Variants in HNRNPC observed in about 807,000 individuals in gnomAD.
The protein encoded by HNRNPC is heterogeneous nuclear ribonucleoproteins C1/C2.
HNRNPC carries 3 observed loss-of-function variants against 33.2 expected under a neutral mutation model. That is an observed-to-expected ratio of 0.09 (90% CI 0.04 to 0.23). HNRNPC has a LOEUF of 0.23. HNRNPC is among the 10% of genes least tolerant of loss of function. The probability of loss-of-function intolerance (pLI) is 1.00; values close to 1 mark genes in which losing one functional copy is unlikely to be tolerated. For missense variants in HNRNPC, 143 were observed against 366.7 expected (o/e 0.39, Z 4.98); for synonymous variants, 121 against 126.7 (o/e 0.96, Z 0.30).
chr14:21,265,740 T>C (rs1467954256), intron 1 of HNRNPC, among the ~76,000 whole-genome samples: 2 of 152,168 alleles, frequency 1.3e-5, no homozygotes, highest in Admixed American at 6.5e-5. Flanking sequence ...ATGACACTAC[T>C]GCACTCTAAT....
chr14:21,267,515 C>T lies in HNRNPC; in HGVS notation c.-63+1783G>A, dbSNP rs567872513. Among the ~76,000 whole-genome samples, 3 of 152,116 alleles carry T rather than the reference C, an allele frequency of 2.0e-5. No individual in the cohort carries two copies. In the South Asian group the frequency reaches 6.2e-4, roughly 32 times the overall value. ...TCTCTACAGAAGGAACATCAACCAC[C>T]AAGTATTCCCGAGAGTGGCACTAGC... On this transcript the variant is annotated intron_variant, in intron 1 of 8. Transcript: ENST00000553300.
chr14:21,213,184 T>C (rs1019288295), intron 5 of HNRNPC, 67 bp from the exon 6 acceptor site: 1 of 1,452,196 alleles, frequency 6.9e-7, no homozygotes, highest in African/African-American at 1.4e-5. Flanking sequence ...TCAACAGACC[T>C]TATGATAAAT....
intron 5 of HNRNPC, among the ~76,000 whole-genome samples, chr14:21,218,680 T>C (rs868396906): frequency 0.14 from 1,096 of 7,762 alleles, 11 homozygotes; most frequent in African/African-American, 0.31. Context: ...AAACTCTCTC[T>C]CAAAAAAAAA....
intron 5 of HNRNPC, among the ~76,000 whole-genome samples, chr14:21,222,543 T>C (rs1892942864): frequency 6.6e-6 from 1 of 152,168 alleles, no homozygotes; most frequent in Non-Finnish European, 1.5e-5. Context: ...GTTACTACAT[T>C]TTGTTTATTC....
chr14:21,213,334 C>G (rs2139457513), intron 5 of HNRNPC: 5 of 506,684 alleles, frequency 9.9e-6, no homozygotes, highest in Middle Eastern at 5.3e-4. Context: ...AATACTGTAG[C>G]AACTTTTCCT....
At chr14:21,266,421 A>T (rs1333690761) in intron 1 of HNRNPC, among the ~76,000 whole-genome samples, 2 of 152,080 alleles carry the variant, frequency 1.3e-5, no homozygotes, top group African/African-American at 4.8e-5. Flanking sequence ...CTTTAAACAA[A>T]ATGCCTGACC....
intron 2 of HNRNPC, among the ~76,000 whole-genome samples, chr14:21,242,314 C>T (rs1030915876): frequency 6.6e-6 from 1 of 152,180 alleles, no homozygotes; most frequent in African/African-American, 2.4e-5. Flanking sequence ...GAAACCCCAT[C>T]TCTACAAAAA....
In HNRNPC at chr14:21,230,383, GA is replaced by G; in HGVS notation, c.318-18del. 1 of 1,596,044 alleles carries G rather than the reference GA, an allele frequency of 6.3e-7. No individual in the cohort carries two copies. The highest frequency in any genetic ancestry group is 8.6e-7 in the Non-Finnish European group (1 of 1,164,716). On this transcript the variant is annotated intron_variant, in intron 4 of 8. Coordinates refer to ENST00000553300, the MANE Select transcript of HNRNPC (RefSeq NM_004500.4). Reference sequence around the variant, plus strand: ...AAAGAGGAGCTGAAAAATAAATACCGAAAAGGGTTAATTTGGAAATGTTTCT... The same window carrying G: ...AAAGAGGAGCTGAAAAATAAATACCGAAAGGGTTAATTTGGAAATGTTTCT...
intron 2 of HNRNPC, among the ~76,000 whole-genome samples, chr14:21,262,027 A>T (rs1177453463): frequency 6.6e-6 from 1 of 152,198 alleles, no homozygotes; most frequent in East Asian, 1.9e-4. Context: ...CACCACTGTA[A>T]AAGGGGTCAG....
At chr14:21,238,768 G>T (rs546083286) in intron 2 of HNRNPC, among the ~76,000 whole-genome samples, 5 of 152,030 alleles carry the variant, frequency 3.3e-5, no homozygotes, top group Non-Finnish European at 7.4e-5. Flanking sequence ...TTACTAGTAT[G>T]TAATAGTCGA....
chr14:21,227,310 A>C (rs750021270), intron 5 of HNRNPC, among the ~76,000 whole-genome samples: 28 of 152,160 alleles, frequency 1.8e-4, no homozygotes, highest in Admixed American at 3.3e-4. Context: ...CATCATGTGG[A>C]CACCTCCTAA....
intron 5 of HNRNPC, among the ~76,000 whole-genome samples, chr14:21,223,050 C>T (rs979887047): frequency 6.6e-6 from 1 of 151,700 alleles, no homozygotes; most frequent in African/African-American, 2.4e-5. Context: ...GATACACACA[C>T]AAAAAAAGAG....
intron 2 of HNRNPC, 24 bp from the exon 3 acceptor site, chr14:21,234,253 A>C: frequency 6.5e-7 from 1 of 1,532,126 alleles, no homozygotes; most frequent in Non-Finnish European, 8.9e-7. Context: ...AAAAGTATAC[A>C]GGTGAACAGA....
At chr14:21,268,569 C>T (rs1047269579) in intron 1 of HNRNPC, 1 of 152,168 alleles carries the variant, frequency 6.6e-6, no homozygotes, top group Non-Finnish European at 1.5e-5. Flanking sequence ...ATGACCCTAG[C>T]AACCAACACT....
At position 21,254,863 on chromosome 14, in the gene HNRNPC, G is replaced by A. The variant is rs565057753; in HGVS notation, c.-37+8448C>T. Among the ~76,000 whole-genome samples the A allele has an allele frequency of 1.2e-4, 18 of 151,694 alleles. No homozygotes were observed. In the East Asian group the frequency reaches 1.6e-3, roughly 13 times the overall value. On this transcript the variant is annotated intron_variant, in intron 2 of 8. Coordinates refer to ENST00000553300, the MANE Select transcript of HNRNPC (RefSeq NM_004500.4). ...GGAGGTTGCGGTAGGCGGAGGTTGCGGTGAGCCAAGATCGTGCCATTGCAC... is the reference window on the plus strand; with the variant it reads ...GGAGGTTGCGGTAGGCGGAGGTTGCAGTGAGCCAAGATCGTGCCATTGCAC...
At chr14:21,223,462 A>T (rs770374681) in intron 5 of HNRNPC, among the ~76,000 whole-genome samples, 3 of 152,162 alleles carry the variant, frequency 2.0e-5, no homozygotes, top group African/African-American at 7.2e-5. Flanking sequence ...GCAAAATTTA[A>T]GTCCAGCCAG....
intron 5 of HNRNPC, among the ~76,000 whole-genome samples, chr14:21,217,987 A>AG (rs1892378356): frequency 6.6e-6 from 1 of 152,172 alleles, no homozygotes; most frequent in Non-Finnish European, 1.5e-5. Context: ...CTTGAGTCCT[A>AG]GATCAATCAT....
intron 5 of HNRNPC, among the ~76,000 whole-genome samples, chr14:21,227,801 A>G (rs1001583375): frequency 6.6e-6 from 1 of 152,220 alleles, no homozygotes; most frequent in African/African-American, 2.4e-5. Context: ...CTGTCACTGT[A>G]TACTGCTAAA....
At chr14:21,268,539 A>G (rs1038427494) in intron 1 of HNRNPC, 1 of 152,162 alleles carries the variant, frequency 6.6e-6, no homozygotes, top group African/African-American at 2.4e-5. Flanking sequence ...ATTCCTTACT[A>G]GTGCTGCTAC....
Sources: allele counts gnomAD v4.1 joint callset (sites outside exome capture counted in the v4.1 genomes callset), GRCh38; gene constraint gnomAD v4.1.1; transcripts MANE v1.5; gene names NCBI Gene and HGNC (gene_info 2026-07-23, HGNC 2026-07-21).